TWIST2: variants seen among roughly 807,000 people sequenced by gnomAD.
TWIST2 encodes twist-related protein 2.
A neutral mutation model predicts 11.6 loss-of-function variants in TWIST2; 1 was observed. That is an observed-to-expected ratio of 0.09 (90% confidence interval 0.03 to 0.41). The LOEUF is 0.41. TWIST2 is among the 10% of genes least tolerant of loss of function. The pLI is 0.98. For missense variants in TWIST2, 168 were observed against 226.4 expected (o/e 0.74, Z 1.66); for synonymous variants, 87 against 96.6 (o/e 0.90, Z 0.58).
At chr2:238,905,970 TGTGCGCGCGCGTGTAC>T (rs1343643932) in intron 1 of TWIST2, among the ~76,000 whole-genome samples, 1 of 138,140 alleles carries the variant, frequency 7.2e-6, no homozygotes, top group Non-Finnish European at 1.5e-5. Flanking sequence ...TGTGCGTGTG[TGTGCGCGCGCGTGTAC>T]GTGCGCGTGT....
intron 1 of TWIST2, among the ~76,000 whole-genome samples, chr2:238,880,791 T>C (rs1324180616): frequency 8.0e-6 from 1 of 124,784 alleles, no homozygotes; most frequent in Non-Finnish European, 1.7e-5. Flanking sequence ...GTATTAGTGT[T>C]AGTGTTAGTA....
intron 1 of TWIST2, among the ~76,000 whole-genome samples, chr2:238,852,232 A>T (rs1692254962): frequency 6.6e-6 from 1 of 152,222 alleles, no homozygotes; most frequent in Non-Finnish European, 1.5e-5. Context: ...CTTTAAAAAA[A>T]ACAAATATTT....
chr2:238,883,392 A>G (rs1574761941), intron 1 of TWIST2, among the ~76,000 whole-genome samples: 1 of 152,090 alleles, frequency 6.6e-6, no homozygotes, highest in Non-Finnish European at 1.5e-5. Context: ...TTTAAAATCC[A>G]CTCAGCTTGC....
rs1413574442 is a variant in TWIST2 at position 238,863,173 on chromosome 2, A to G, written c.*35+14440A>G. ...GCACATGCTGACCGACCCTCCCTCC[A>G]GAGAAGGGCAACTACTCCCAGTCCC... On this transcript the variant is annotated intron_variant, in intron 1 of 1. Coordinates refer to ENST00000612363, the MANE Select transcript of TWIST2 (RefSeq NM_001271893.4). This position sits in a 1 kb window ranked among gnomAD's most constrained non-coding sequence, Gnocchi z 4.7. Among the ~76,000 whole-genome samples the G allele has an allele frequency of 6.6e-6, 1 of 152,048 alleles. No individual in the cohort carries two copies. The highest frequency in any genetic ancestry group is 6.6e-5 in the Admixed American group (1 of 15,260).
At chr2:238,865,178 T>C (rs1692509735) in intron 1 of TWIST2, among the ~76,000 whole-genome samples, 1 of 152,160 alleles carries the variant, frequency 6.6e-6, no homozygotes, top group African/African-American at 2.4e-5. Context: ...CTGAGGGACC[T>C]ACGTAACTCC....
rs1692499795 is a variant in TWIST2, at chr2:238,864,641, C to G, written c.*35+15908C>G. Among the ~76,000 whole-genome samples, 1 of 152,186 alleles carries G rather than the reference C, an allele frequency of 6.6e-6. No homozygotes were observed. Among genetic ancestry groups the G allele is most frequent in the African/African-American group, 2.4e-5 (1 of 41,458 alleles). ...CAGGACAGGGGCCCAGAGGCTGGTA[C>G]CCTCCGAGGTGCGGGAGAAGAGGAG... On this transcript the variant is annotated intron_variant, in intron 1 of 1. Transcript: ENST00000612363. This position sits in a 1 kb window ranked among gnomAD's most constrained non-coding sequence, Gnocchi z 4.7.
chr2:238,908,439 A>C (rs1316073224), intron 1 of TWIST2, among the ~76,000 whole-genome samples: 5 of 151,586 alleles, frequency 3.3e-5, no homozygotes, highest in Non-Finnish European at 7.4e-5. Flanking sequence ...TACCACATAC[A>C]CACACATGCA....
chr2:238,898,592 C>G (rs1381924647), intron 1 of TWIST2, among the ~76,000 whole-genome samples: 2 of 152,222 alleles, frequency 1.3e-5, no homozygotes, highest in Non-Finnish European at 2.9e-5. Context: ...GCAATGTGGG[C>G]GAGAGCTCCT....
At chr2:238,874,128 G>A (rs1692762716) in intron 1 of TWIST2, among the ~76,000 whole-genome samples, 1 of 152,158 alleles carries the variant, frequency 6.6e-6, no homozygotes, top group Non-Finnish European at 1.5e-5. Context: ...AATGATGAGG[G>A]ATGGGATCCC....
At chr2:238,848,812 G>C (rs930953657) in intron 1 of TWIST2, 79 bp downstream of exon 1, 22 of 1,157,588 alleles carry the variant, frequency 1.9e-5, no homozygotes, top group Middle Eastern at 3.2e-4. Flanking sequence ...GGGCCTGCTC[G>C]TGTCTCCTCG....
At chr2:238,908,096 C>G (rs2106376689) in intron 1 of TWIST2, among the ~76,000 whole-genome samples, 1 of 151,032 alleles carries the variant, frequency 6.6e-6, no homozygotes, top group Non-Finnish European at 1.5e-5. Flanking sequence ...AAACATACCA[C>G]ACACACAGAC....
At chr2:238,870,135 C>CA (rs1355853999) in intron 1 of TWIST2, among the ~76,000 whole-genome samples, 1 of 77,190 alleles carries the variant, frequency 1.3e-5, no homozygotes, top group African/African-American at 6.0e-5. Context: ...CACACACACA[C>CA]CACACCCCAT....
intron 1 of TWIST2, among the ~76,000 whole-genome samples, chr2:238,881,366 TGTTA>T (rs1692925146): frequency 6.6e-6 from 1 of 151,044 alleles, no homozygotes. Flanking sequence ...TTAGTGTTAG[TGTTA>T]GTATTTATTA....
intron 1 of TWIST2, among the ~76,000 whole-genome samples, chr2:238,881,541 GTATT>G (rs1692931248): frequency 6.6e-6 from 1 of 151,962 alleles, no homozygotes; most frequent in African/African-American, 2.4e-5. Context: ...GTTGGTGTTA[GTATT>G]TATTAGTATT....
intron 1 of TWIST2, among the ~76,000 whole-genome samples, chr2:238,907,151 C>T (rs1184757859): frequency 6.6e-6 from 1 of 152,168 alleles, no homozygotes; most frequent in East Asian, 1.9e-4. Flanking sequence ...CAGAAGCGGC[C>T]CTGAGGCGCG....
At chr2:238,889,551 G>A (rs1015769837) in intron 1 of TWIST2, among the ~76,000 whole-genome samples, 1 of 152,230 alleles carries the variant, frequency 6.6e-6, no homozygotes, top group Non-Finnish European at 1.5e-5. Flanking sequence ...GTCCAGAGCA[G>A]AGCTCCGTGC....
At chr2:238,894,401 C>T (rs1289527177) in intron 1 of TWIST2, among the ~76,000 whole-genome samples, 7 of 152,178 alleles carry the variant, frequency 4.6e-5, no homozygotes, top group African/African-American at 1.4e-4. Flanking sequence ...CCCTTGCCAC[C>T]CCCACACTCA....
chr2:238,908,833 TGGTGTGTGTGATGTG>T (rs1693401058), intron 1 of TWIST2, among the ~76,000 whole-genome samples: 1 of 141,784 alleles, frequency 7.1e-6, no homozygotes, highest in African/African-American at 2.7e-5. Flanking sequence ...GTGTGGTGTG[TGGTGTGTGTGATGTG>T]TTTGTGTGTG....
At chr2:238,862,705 T>C (rs1202794715) in intron 1 of TWIST2, among the ~76,000 whole-genome samples, 2 of 152,222 alleles carry the variant, frequency 1.3e-5, no homozygotes, top group Non-Finnish European at 2.9e-5. Context: ...CTAGGAATTA[T>C]CTTAAGTGAA....
Sources: gnomAD v4.1 joint callset for allele counts (sites outside exome capture counted in the v4.1 genomes callset) on GRCh38, gnomAD v4.1.1 for gene constraint, Gnocchi (gnomAD v3.1) non-coding constraint, MANE v1.5 for transcripts, NCBI Gene and HGNC (gene_info 2026-07-23, HGNC 2026-07-21) for gene names.